The following PTPRZ1 variants were observed in gnomAD, a reference collection of about 807,000 sequenced individuals.
PTPRZ1 encodes protein tyrosine phosphatase receptor type Z1.
In PTPRZ1, 82 loss-of-function variants were observed where a neutral mutation model predicts 214.1. The ratio of observed to expected loss-of-function variants is 0.38; its 90% CI spans 0.32 to 0.46. The LOEUF (loss-of-function observed/expected upper bound fraction) is 0.46, where lower values mean the gene tolerates loss of function less well. Among genes scored for constraint, PTPRZ1 ranks in the 20% least tolerant of loss-of-function variants. The pLI, the probability that PTPRZ1 is intolerant of heterozygous loss-of-function variation, is 1.00. For missense variants in PTPRZ1, 2,603 were observed against 2,748.7 expected (o/e 0.95, Z 1.19); for synonymous variants, 945 against 987.9 (o/e 0.96, Z 0.81).
At chr7:121,911,619 CCTTAT>C (rs1795279792) in intron 1 of PTPRZ1, among the ~76,000 whole-genome samples, 2 of 152,040 alleles carry the variant, frequency 1.3e-5, no homozygotes, top group Admixed American at 6.6e-5. Flanking sequence ...CTTATCCTTT[CCTTAT>C]CTTATCTTCT....
chr7:122,011,211 A>C lies in PTPRZ1; in HGVS notation c.2165A>C (p.Glu722Ala), dbSNP rs756721096. ...HYSTFAYFPT[E>A]VTPHAFTPSS... The stretch of plus-strand genomic sequence containing the variant: ...TCTACCTTTGCCTACTTCCCAACTG[A>C]GGTAACACCTCATGCTTTTACCCCA... Residue 722 changes from glutamate (E) to alanine (A), a missense_variant, in exon 12 of 30, where the codon GAG becomes GCG. Physicochemically the swap from Glu to Ala is moderately radical, Grantham distance 107 (BLOSUM62 -1). This residue lies in a region of PTPRZ1 where 1,913 missense variants were observed against 1,914.3 expected (regional missense o/e 1.00). Transcript: ENST00000393386. The C allele has an allele frequency of 1.7e-5, 27 of 1,613,972 alleles. No homozygotes were observed. The highest frequency in any genetic ancestry group is 2.2e-5 in the Non-Finnish European group (26 of 1,180,022).
intron 22 of PTPRZ1, 117 bp from the exon 23 acceptor site, chr7:122,044,305 G>A: frequency 8.4e-7 from 1 of 1,194,832 alleles, no homozygotes; most frequent in Non-Finnish European, 1.2e-6. Context: ...ATCTTGTGTG[G>A]GTCTTCCCCC....
intron 4 of PTPRZ1, 93 bp from the exon 5 acceptor site, chr7:121,976,078 TAA>T (rs1797423395): frequency 2.6e-6 from 2 of 763,608 alleles, no homozygotes; most frequent in African/African-American, 3.4e-5. Flanking sequence ...ATGTAATTTA[TAA>T]AAGATTTTGG....
At chr7:121,899,425 A>T (rs1449874306) in intron 1 of PTPRZ1, among the ~76,000 whole-genome samples, 2 of 152,206 alleles carry the variant, frequency 1.3e-5, no homozygotes, top group East Asian at 3.8e-4. Flanking sequence ...TGGAAGATAA[A>T]TTCTGCTAAC....
At chr7:121,986,207 T>C (rs1465654172) in intron 8 of PTPRZ1, among the ~76,000 whole-genome samples, 1 of 152,212 alleles carries the variant, frequency 6.6e-6, no homozygotes, top group Non-Finnish European at 1.5e-5. Context: ...GACGTAGACC[T>C]CACTTCACTC....
chr7:121,976,903 A>C (rs2116544817), intron 6 of PTPRZ1, 52 bp downstream of exon 6: 2 of 1,499,230 alleles, frequency 1.3e-6, no homozygotes, highest in Middle Eastern at 1.7e-4. Flanking sequence ...TGGATGGATA[A>C]GAATGTTGAC....
chr7:121,985,098 G>A (rs566310732), intron 8 of PTPRZ1, among the ~76,000 whole-genome samples: 1 of 152,018 alleles, frequency 6.6e-6, no homozygotes, highest in Non-Finnish European at 1.5e-5. Context: ...ATATTTCCAA[G>A]AATCGTTTAT....
chr7:121,895,167 G>A (rs1794751229), intron 1 of PTPRZ1, among the ~76,000 whole-genome samples: 2 of 152,130 alleles, frequency 1.3e-5, no homozygotes, highest in Admixed American at 6.5e-5. Flanking sequence ...TGTGCCCCTG[G>A]TTTTTGGAGC....
chr7:121,990,965 C>CA lies in PTPRZ1; in HGVS notation c.929-5416dup, dbSNP rs1019106557. 6.1e-4 allele frequency among the ~76,000 whole-genome samples: 93 copies of CA among 152,284 alleles called. 1 individual carries two copies. The highest frequency in any genetic ancestry group is 2.2e-3 in the African/African-American group (91 of 41,554). ...AGATGCTTTCATGCTGCCTTCTTAC[C>CA]ACCTTACAAGGTTTTTCTGCTAAGA... On this transcript the variant is annotated intron_variant, in intron 8 of 29. Coordinates refer to ENST00000393386, the MANE Select transcript of PTPRZ1 (RefSeq NM_002851.3).
rs565043124 is a variant in PTPRZ1 at position 122,012,097 on chromosome 7, C to G, written c.3051C>G (p.Asn1017Lys). 1 of 1,614,024 alleles carries G rather than the reference C, an allele frequency of 6.2e-7. No individual in the cohort carries two copies. Among genetic ancestry groups the G allele is most frequent in the African/African-American group, 1.3e-5 (1 of 75,050 alleles). ...ACACAGATGGGCTGACAGCCCTTAA[C>G]ATTTCTTCACCTGTTTCTGTAGCTG... ...LPDTDGLTALNISSPVSVAEF... is the reference protein window; with the variant it reads ...LPDTDGLTALKISSPVSVAEF... The change falls in exon 12 of 30, where the codon AAC becomes AAG. Residue 1017 changes from asparagine to lysine, a missense_variant. Coordinates refer to ENST00000393386, the MANE Select transcript of PTPRZ1 (RefSeq NM_002851.3).
intron 10 of PTPRZ1, among the ~76,000 whole-genome samples, chr7:122,002,279 A>G (rs1798351963): frequency 6.6e-6 from 1 of 152,234 alleles, no homozygotes; most frequent in African/African-American, 2.4e-5. Flanking sequence ...GGAAACCAGA[A>G]TAAAGAGCCT....
rs571439414 is a variant in PTPRZ1 at position 121,963,623 on chromosome 7, T to C, written c.125-4328T>C. On this transcript the variant is annotated intron_variant, in intron 2 of 29. Coordinates refer to ENST00000393386, the MANE Select transcript of PTPRZ1 (RefSeq NM_002851.3). ...AAACTCCACCCAGGGGTGTGGTTTT[T>C]ACTATTATAATGAGCATAGGGTCAG... is the stretch of plus-strand genomic sequence containing the variant. 2.0e-4 allele frequency among the ~76,000 whole-genome samples: 30 copies of C among 152,304 alleles called. No individual in the cohort carries two copies. In the South Asian group the frequency reaches 5.6e-3, roughly 28 times the overall value.
intron 11 of PTPRZ1, among the ~76,000 whole-genome samples, chr7:122,007,489 C>A (rs1457822390): frequency 6.6e-6 from 1 of 152,104 alleles, no homozygotes; most frequent in East Asian, 1.9e-4. Context: ...AGACCCATGT[C>A]ACAATATGTC....
In PTPRZ1 at chr7:122,061,206, G is replaced by C. The variant is rs1483962373; in HGVS notation, c.6934G>C (p.Glu2312Gln). 6.2e-7 allele frequency: 1 copy of C among 1,601,918 alleles called. No homozygotes were observed. Among genetic ancestry groups the C allele is most frequent in the Non-Finnish European group, 8.5e-7 (1 of 1,173,170 alleles). The change falls in exon 30 of 30, where the codon GAG (glutamate) becomes CAG (glutamine). Residue 2312 changes from glutamate to glutamine, a missense_variant. Coordinates refer to ENST00000393386, the MANE Select transcript of PTPRZ1 (RefSeq NM_002851.3). Reference sequence around the variant, plus strand: ...TGATGGAAATATAGCTGAGAGCTTAGAGTCTTTAGTTTAACACAGAAAGGG... The same window carrying C: ...TGATGGAAATATAGCTGAGAGCTTACAGTCTTTAGTTTAACACAGAAAGGG... ...LPDGNIAESL[E>Q]SLV
At chr7:121,922,807 C>T (rs1795639315) in intron 1 of PTPRZ1, among the ~76,000 whole-genome samples, 1 of 152,148 alleles carries the variant, frequency 6.6e-6, no homozygotes, top group South Asian at 2.1e-4. Flanking sequence ...TTCTTCAAGC[C>T]TTCACAAACT....
chr7:121,960,304 G>A (rs976289040), intron 2 of PTPRZ1, among the ~76,000 whole-genome samples: 2 of 152,208 alleles, frequency 1.3e-5, no homozygotes, highest in Admixed American at 6.5e-5. Context: ...GCCTCCCAAA[G>A]TGCTGGGATT....
At chr7:121,937,888 A>G (rs1796131044) in intron 2 of PTPRZ1, among the ~76,000 whole-genome samples, 1 of 151,980 alleles carries the variant, frequency 6.6e-6, no homozygotes, top group Non-Finnish European at 1.5e-5. Context: ...TAGAGATCTG[A>G]GCCATTATCT....
At chr7:122,027,245 T>G (rs1393937827) in intron 13 of PTPRZ1, among the ~76,000 whole-genome samples, 1 of 152,108 alleles carries the variant, frequency 6.6e-6, no homozygotes, top group Non-Finnish European at 1.5e-5. Flanking sequence ...TGACAGGGCT[T>G]CTTCAGAGGT....
chr7:121,979,172 G>A (rs779679541), intron 6 of PTPRZ1, among the ~76,000 whole-genome samples: 6 of 152,028 alleles, frequency 3.9e-5, no homozygotes, highest in Non-Finnish European at 7.4e-5. Context: ...AAAGGACAAA[G>A]CCCATTTCTC....
Sources: allele counts gnomAD v4.1 joint callset (sites outside exome capture counted in the v4.1 genomes callset), GRCh38; gene constraint gnomAD v4.1.1; regional missense constraint gnomAD v4.1.1; transcripts MANE v1.5; gene names NCBI Gene and HGNC (gene_info 2026-07-23, HGNC 2026-07-21).